The following SYN3 variants were observed in gnomAD, a reference collection of about 807,000 sequenced individuals.
SYN3 encodes the protein synapsin-3.
SYN3 carries 35 observed loss-of-function variants against 65.8 expected under a neutral mutation model. That is an observed-to-expected ratio of 0.53 (90% CI 0.41 to 0.70). SYN3 has a LOEUF of 0.70. SYN3 is among the 30% of genes least tolerant of loss of function. The probability of loss-of-function intolerance (pLI) is 0.00; values close to 1 mark genes in which losing one functional copy is unlikely to be tolerated. For missense variants in SYN3, 680 were observed against 749.0 expected (o/e 0.91, Z 1.08); for synonymous variants, 270 against 292.9 (o/e 0.92, Z 0.80).
chr22:32,760,671 C>T (rs2045454788), intron 6 of SYN3, among the ~76,000 whole-genome samples: 1 of 146,638 alleles, frequency 6.8e-6, no homozygotes, highest in Non-Finnish European at 1.5e-5. Flanking sequence ...TCACCAGGCT[C>T]TGAGGGTGGG....
At chr22:33,032,152 G>A (rs962265789) in intron 1 of SYN3, among the ~76,000 whole-genome samples, 1 of 151,836 alleles carries the variant, frequency 6.6e-6, no homozygotes, top group Non-Finnish European at 1.5e-5. Flanking sequence ...AGTGGTTGCA[G>A]TGACCTGAGT....
intron 4 of SYN3, among the ~76,000 whole-genome samples, chr22:32,872,264 T>C (rs558685855): frequency 6.6e-6 from 1 of 152,182 alleles, no homozygotes; most frequent in Admixed American, 6.5e-5. Flanking sequence ...TTTAAATAAA[T>C]GATTGCATGA....
intron 6 of SYN3, among the ~76,000 whole-genome samples, chr22:32,630,493 C>T (rs1274931631): frequency 2.0e-5 from 3 of 152,176 alleles, no homozygotes. Context: ...GGATCCAACC[C>T]TACATTTGCA....
At chr22:32,559,580 G>C (rs2058553904) in intron 7 of SYN3, among the ~76,000 whole-genome samples, 1 of 152,176 alleles carries the variant, frequency 6.6e-6, no homozygotes, top group South Asian at 2.1e-4. Flanking sequence ...TGTAATCCCA[G>C]AACTTTGGGA....
At position 32,930,969 on chromosome 22, in the gene SYN3, A is replaced by G. The variant is rs78917215; in HGVS notation, c.461+421T>C. Reference sequence around the variant, plus strand: ...GCCATATTGCAGGAAGTTGAATTTCATTTATTCTAATAAACCTTCCATTCG... The same window carrying G: ...GCCATATTGCAGGAAGTTGAATTTCGTTTATTCTAATAAACCTTCCATTCG... On this transcript the variant is annotated intron_variant, in intron 4 of 13. Coordinates refer to ENST00000358763, the MANE Select transcript of SYN3 (RefSeq NM_003490.4). The G allele has an allele frequency of 4.9e-3, 763 of 156,526 alleles. 7 individuals carry two copies. The highest frequency in any genetic ancestry group is 0.018 in the African/African-American group (733 of 41,704). 9.7% of individuals were successfully genotyped at this position (156,526 alleles called of 1,614,324 possible).
At chr22:32,737,090 G>A (rs940651561) in intron 6 of SYN3, among the ~76,000 whole-genome samples, 9 of 152,158 alleles carry the variant, frequency 5.9e-5, no homozygotes, top group African/African-American at 2.2e-4. Context: ...TTCAGTGACG[G>A]TGTAGACCCA....
chr22:32,663,841 T>C (rs1393428826), intron 6 of SYN3, among the ~76,000 whole-genome samples: 2 of 152,166 alleles, frequency 1.3e-5, no homozygotes, highest in African/African-American at 4.8e-5. Context: ...AGAATGATAT[T>C]AAATAGCAAT....
At chr22:32,781,860 C>T (rs2046074406) in intron 6 of SYN3, among the ~76,000 whole-genome samples, 1 of 151,896 alleles carries the variant, frequency 6.6e-6, no homozygotes, top group African/African-American at 2.4e-5. Context: ...CTATGCTTCT[C>T]CTCCTCCTTT....
At chr22:32,865,026 C>T (rs982969232) in intron 5 of SYN3, 22 bp from the exon 6 acceptor site, 3 of 1,580,122 alleles carry the variant, frequency 1.9e-6, no homozygotes, top group East Asian at 4.5e-5. Flanking sequence ...GAGGAGAGAA[C>T]ATTGATCAAC....
At chr22:32,701,042 C>T (rs556725732) in intron 6 of SYN3, among the ~76,000 whole-genome samples, 3 of 152,322 alleles carry the variant, frequency 2.0e-5, no homozygotes, top group Non-Finnish European at 2.9e-5. Context: ...AAATATGCCC[C>T]ATCTTAACTG....
At chr22:32,736,337 A>G (rs1247196431) in intron 6 of SYN3, among the ~76,000 whole-genome samples, 5 of 152,188 alleles carry the variant, frequency 3.3e-5, no homozygotes, top group African/African-American at 4.8e-5. Flanking sequence ...TTTCATATAA[A>G]AGTGCAATTA....
rs1392140684 is a variant in SYN3 at position 32,959,512 on chromosome 22, C to T, written c.369+21133G>A. On this transcript the variant is annotated intron_variant, in intron 3 of 13. Transcript: ENST00000358763. ...GTTGCAGTGAGCCAAGATTGCGCCA[C>T]TGTACTCCAGCCTGGGTGACAGAGT... is the stretch of plus-strand genomic sequence containing the variant. Among the ~76,000 whole-genome samples, 6 of 151,702 alleles carry T rather than the reference C, an allele frequency of 4.0e-5. No individual in the cohort carries two copies. The East Asian group carries it at 1.2e-3, about 29-fold the overall frequency.
intron 6 of SYN3, among the ~76,000 whole-genome samples, chr22:32,639,555 G>A (rs900524303): frequency 6.6e-6 from 1 of 151,818 alleles, no homozygotes; most frequent in Non-Finnish European, 1.5e-5. Context: ...TTTGAGACAC[G>A]TTCTTACTCT....
At chr22:32,597,259 A>T (rs1776871784) in intron 6 of SYN3, among the ~76,000 whole-genome samples, 1 of 118,642 alleles carries the variant, frequency 8.4e-6, no homozygotes, top group South Asian at 2.9e-4. Context: ...CTTGTTGCCC[A>T]GGCTGGAGTG....
intron 7 of SYN3, among the ~76,000 whole-genome samples, chr22:32,548,685 T>C (rs1000608596): frequency 6.6e-6 from 1 of 152,224 alleles, no homozygotes; most frequent in African/African-American, 2.4e-5. Flanking sequence ...AATATTTATA[T>C]TTTTATGCCA....
At chr22:32,889,783 T>C (rs901910699) in intron 4 of SYN3, among the ~76,000 whole-genome samples, 3 of 152,108 alleles carry the variant, frequency 2.0e-5, no homozygotes, top group African/African-American at 7.2e-5. Context: ...AAAAATATAT[T>C]ACAAAGACTT....
chr22:32,555,802 C>T (rs776948709), intron 7 of SYN3, among the ~76,000 whole-genome samples: 1 of 152,150 alleles, frequency 6.6e-6, no homozygotes, highest in Non-Finnish European at 1.5e-5. Flanking sequence ...ATGCATCCAG[C>T]TCATTCCAAA....
intron 1 of SYN3, among the ~76,000 whole-genome samples, chr22:33,032,208 T>C (rs771612194): frequency 2.6e-4 from 36 of 140,880 alleles, no homozygotes; most frequent in Non-Finnish European, 4.8e-4. Flanking sequence ...AGGCTCTGTC[T>C]TTAAAAAAAA....
chr22:33,045,691 T>C (rs1026532803), intron 1 of SYN3, among the ~76,000 whole-genome samples: 1 of 151,840 alleles, frequency 6.6e-6, no homozygotes, highest in African/African-American at 2.4e-5. Context: ...CTCGATCTCC[T>C]GACCTTGTGA....
Sources: gnomAD v4.1 joint callset for allele counts (sites outside exome capture counted in the v4.1 genomes callset) on GRCh38, gnomAD v4.1.1 for gene constraint, MANE v1.5 for transcripts, NCBI Gene and HGNC (gene_info 2026-07-23, HGNC 2026-07-21) for gene names.